The following AOX1 variants were observed in gnomAD, a reference collection of about 807,000 sequenced individuals.
AOX1 encodes the protein aldehyde oxidase 1, also known as aldehyde oxidase.
Under a neutral mutation model 169.5 loss-of-function variants are expected in AOX1, and 153 were observed. The observed-to-expected ratio is 0.90, with a 90% CI of 0.79 to 1.03. The LOEUF (loss-of-function observed/expected upper bound fraction) is 1.03. Among genes scored for constraint, AOX1 ranks in the 50% least tolerant of loss-of-function variants. The pLI, the probability that AOX1 is intolerant of heterozygous loss-of-function variation, is 0.00. For synonymous variants in AOX1, 562 were observed against 581.9 expected, an observed-to-expected ratio of 0.97 and a Z score of 0.49; for missense variants, 1,656 against 1,663.9, an observed-to-expected ratio of 1.00 and a Z score of 0.08.
In AOX1 at chr2:200,641,258, C is replaced by T. The variant is rs1043288346; in HGVS notation, c.2655+74C>T. On this transcript the variant is annotated intron_variant, in intron 24 of 34. Coordinates refer to ENST00000374700, the MANE Select transcript of AOX1 (RefSeq NM_001159.4). ...AAAATAATTTAACTTAGAAAATGCCCAATAGTTAAGTAATATTTGATTATA... is the reference window on the plus strand; with the variant it reads ...AAAATAATTTAACTTAGAAAATGCCTAATAGTTAAGTAATATTTGATTATA... 8.7e-6 allele frequency: 9 copies of T among 1,029,220 alleles called. No homozygotes were observed. The African/African-American group carries it at 1.4e-4, about 16-fold the overall frequency. 63.8% of individuals were successfully genotyped at this position (1,029,220 alleles called of 1,614,324 possible).
downstream of AOX1, among the ~76,000 whole-genome samples, chr2:200,682,024 C>A (rs1368529729): frequency 6.6e-6 from 1 of 151,856 alleles, no homozygotes; most frequent in African/African-American, 2.4e-5. Flanking sequence ...TGGGAAAAAA[C>A]ACTACGACTC....
rs897355329 is a variant in AOX1, at chr2:200,620,792, C to T, written c.1847C>T (p.Thr616Ile). The T allele has an allele frequency of 1.0e-5, 16 of 1,605,134 alleles. No individual in the cohort carries two copies. The South Asian group carries it at 1.8e-4, about 18-fold the overall frequency. The change falls in exon 17 of 35, where the codon ACT becomes ATT. Residue 616 changes from threonine (T) to isoleucine (I), a missense_variant. Transcript: ENST00000374700. ...VDQELFLTFV[T>I]SSRAHAKIVS... is the part of the protein sequence containing the mutation. ...CAGGAACTTTTCTTGACTTTTGTGA[C>T]TAGTTCAAGAGCTCATGCTAAGATT...
intron 4 of AOX1, chr2:200,676,786 T>A: frequency 2.5e-6 from 1 of 405,096 alleles, no homozygotes; most frequent in Non-Finnish European, 5.1e-6. Flanking sequence ...GTTGGGAACA[T>A]AGACAGACAG....
intron 7 of AOX1, 103 bp downstream of exon 7, chr2:200,603,459 G>T: frequency 2.4e-6 from 2 of 843,084 alleles, no homozygotes; most frequent in Non-Finnish European, 3.8e-6. Context: ...CTAACTTGAG[G>T]TATGTCAACA....
chr2:200,674,213 G>T (rs553455259), downstream of AOX1, among the ~76,000 whole-genome samples: 132 of 152,316 alleles, frequency 8.7e-4, no homozygotes, highest in African/African-American at 3.1e-3. Context: ...GACAGAGCTG[G>T]GTTCACAAGA....
chr2:200,630,210 T>TAAAAAAAAAAAAAAAAAAA (rs57410809), intron 20 of AOX1, among the ~76,000 whole-genome samples: 4 of 95,526 alleles, frequency 4.2e-5, no homozygotes, highest in African/African-American at 1.8e-4. Flanking sequence ...TCCTTCTATT[T>TAAAAAAAAAAAAAAAAAAA]AAAAAAAAAA....
chr2:200,657,163 A>AAAAAAAAAAAAAAAAAATAT (rs1208308825), intron 27 of AOX1, among the ~76,000 whole-genome samples: 1 of 85,236 alleles, frequency 1.2e-5, no homozygotes, highest in African/African-American at 4.5e-5. Flanking sequence ...ATCTCTACCA[A>AAAAAAAAAAAAAAAAAATAT]AAATATATAT....
In AOX1 at chr2:200,621,159, G is replaced by C. The variant is rs1165341563; in HGVS notation, c.1914G>C (p.Val638=). 4.3e-6 allele frequency: 7 copies of C among 1,614,102 alleles called. No individual in the cohort carries two copies. The highest frequency in any genetic ancestry group is 5.9e-6 in the Non-Finnish European group (7 of 1,179,988). The change falls in exon 18 of 35, where the codon GTG becomes GTC. Residue 638 remains valine, a synonymous_variant. Transcript: ENST00000374700. ...DLSEALSMPG[V]VDIMTAEHLS... ...CAGAAGCTCTCAGCATGCCCGGTGT[G>C]GTGGACATCATGACAGCAGAACATC... is the stretch of plus-strand genomic sequence containing the variant.
chr2:200,603,981 T>A, intron 7 of AOX1, 36 bp from the exon 8 acceptor site: 2 of 1,386,044 alleles, frequency 1.4e-6, no homozygotes, highest in Non-Finnish European at 1.0e-6. Flanking sequence ...TTAAAGTTGC[T>A]CGATAACAGT....
At chr2:200,630,024 T>C (rs2035083657) in intron 20 of AOX1, among the ~76,000 whole-genome samples, 1 of 151,980 alleles carries the variant, frequency 6.6e-6, no homozygotes, top group Non-Finnish European at 1.5e-5. Context: ...GCAGGACATT[T>C]GAGGCCAGGA....
chr2:200,651,123 G>C lies in AOX1; in HGVS notation c.2997G>C (p.Glu999Asp). 6.2e-7 allele frequency: 1 copy of C among 1,614,216 alleles called. No homozygotes were observed. Among genetic ancestry groups the C allele is most frequent in the Non-Finnish European group, 8.5e-7 (1 of 1,180,038 alleles). ...RKVAVEKFNAENYWKKKGLAM... is the reference protein window; with the variant it reads ...RKVAVEKFNADNYWKKKGLAM... Reference sequence around the variant, plus strand: ...TTGCTGTGGAAAAGTTCAATGCAGAGAATTATTGGAAGAAGAAAGGACTGG... The same window carrying C: ...TTGCTGTGGAAAAGTTCAATGCAGACAATTATTGGAAGAAGAAAGGACTGG... The change falls in exon 26 of 35, where the codon GAG becomes GAC. Residue 999 changes from glutamate to aspartate, a missense_variant. Coordinates refer to ENST00000374700, the MANE Select transcript of AOX1 (RefSeq NM_001159.4).
chr2:200,638,252 G>C lies in AOX1; in HGVS notation c.2518G>C (p.Glu840Gln). The C allele has an allele frequency of 6.2e-7, 1 of 1,613,810 alleles. No individual in the cohort carries two copies. The highest frequency in any genetic ancestry group is 8.5e-7 in the Non-Finnish European group (1 of 1,179,744). Reference protein sequence around the residue: ...RAVRCVLERGEDMLITGGRHP... With the variant: ...RAVRCVLERGQDMLITGGRHP... ...AGTTCGCTGTGTTCTGGAACGAGGAGAAGACATGTTAATAACTGGAGGCCG... is the reference window on the plus strand; with the variant it reads ...AGTTCGCTGTGTTCTGGAACGAGGACAAGACATGTTAATAACTGGAGGCCG... The change falls in exon 23 of 35, where the codon GAA (glutamate) becomes CAA (glutamine). Residue 840 changes from glutamate (E) to glutamine (Q), a missense_variant. Glu to Gln is a conservative substitution (Grantham distance 29, BLOSUM62 2). Transcript: ENST00000374700.
intron 27 of AOX1, among the ~76,000 whole-genome samples, chr2:200,657,615 T>C (rs1012337908): frequency 3.9e-5 from 6 of 152,172 alleles, no homozygotes; most frequent in African/African-American, 2.4e-5. Flanking sequence ...AATTCTGATG[T>C]ATTTGGATTA....
In AOX1 at chr2:200,602,176, C is replaced by G. The variant is rs74446245; in HGVS notation, c.437-108C>G. The stretch of plus-strand genomic sequence containing the variant: ...TTGTAGATTAGGTGGACTAAAATGT[C>G]AAACAGATCTTTCCTCTATGATAGG... On this transcript the variant is annotated intron_variant, in intron 5 of 34. Transcript: ENST00000374700. 1.5e-4 allele frequency: 122 copies of G among 822,662 alleles called. No individual in the cohort carries two copies. In the East Asian group the frequency reaches 3.2e-3, roughly 22 times the overall value. The allele number at this position is 822,662 out of a possible 1,614,324, so 51.0% of individuals were successfully genotyped here. A position where few individuals can be genotyped will look rare whatever the true frequency, so the allele number is the denominator to read the frequency against.
At chr2:200,657,190 A>ATATATATATATATTTT in intron 27 of AOX1, among the ~76,000 whole-genome samples, 2 of 62,878 alleles carry the variant, frequency 3.2e-5, no homozygotes, top group Non-Finnish European at 5.2e-5. Context: ...ATATATATAT[A>ATATATATATATATTTT]TTTTTTTTTT....
At chr2:200,631,931 T>C (rs2035136274) in intron 20 of AOX1, among the ~76,000 whole-genome samples, 1 of 152,168 alleles carries the variant, frequency 6.6e-6, no homozygotes, top group African/African-American at 2.4e-5. Context: ...AATGTTTATA[T>C]ATTATAAGTG....
intron 3 of AOX1, among the ~76,000 whole-genome samples, chr2:200,597,010 C>T (rs2034297283): frequency 1.3e-5 from 2 of 152,134 alleles, no homozygotes; most frequent in African/African-American, 2.4e-5. Context: ...TGAAGTCTGG[C>T]TGCTCTGGTT....
chr2:200,613,003 CGT>C (rs745607427), intron 14 of AOX1, among the ~76,000 whole-genome samples: 25 of 144,136 alleles, frequency 1.7e-4, no homozygotes, highest in South Asian at 2.3e-4. Context: ...ACTCTGTGTG[CGT>C]GTGTGTGTGT....
chr2:200,640,327 G>A (rs979069740), intron 23 of AOX1, among the ~76,000 whole-genome samples: 3 of 152,118 alleles, frequency 2.0e-5, no homozygotes, highest in East Asian at 1.9e-4. Context: ...GCTCAGTGCC[G>A]TAATTAAACA....
Sources: gnomAD v4.1 joint callset for allele counts (sites outside exome capture counted in the v4.1 genomes callset) on GRCh38, gnomAD v4.1.1 for gene constraint, MANE v1.5 for transcripts, NCBI Gene and HGNC (gene_info 2026-07-23, HGNC 2026-07-21) for gene names.